The following RAP1GDS1 variants were observed in gnomAD, a reference collection of about 807,000 sequenced individuals.
The protein encoded by RAP1GDS1 is RAP1, GTP-GDP dissociation stimulator 1.
In RAP1GDS1, 35 loss-of-function variants were observed where a neutral mutation model predicts 71.1. That is an observed-to-expected ratio of 0.49 (90% CI 0.38 to 0.65). RAP1GDS1 has a LOEUF of 0.65. Ranked by LOEUF, RAP1GDS1 falls within the 30% of genes least tolerant of loss-of-function variation. RAP1GDS1 has a pLI of 0.00. For synonymous variants in RAP1GDS1, 229 were observed against 243.1 expected (o/e 0.94, Z 0.54); for missense variants, 663 against 706.1 (o/e 0.94, Z 0.69).
chr4:98,304,176 T>C (rs1728979927), intron 2 of RAP1GDS1, among the ~76,000 whole-genome samples: 1 of 152,228 alleles, frequency 6.6e-6, no homozygotes, highest in African/African-American at 2.4e-5. Flanking sequence ...TGTATCTTTA[T>C]AATAGAATGA....
At chr4:98,285,747 A>G (rs944505752) in intron 1 of RAP1GDS1, among the ~76,000 whole-genome samples, 2 of 149,632 alleles carry the variant, frequency 1.3e-5, no homozygotes, top group Admixed American at 1.3e-4. Context: ...TATGTAGTAC[A>G]TATTATGATT....
intron 2 of RAP1GDS1, among the ~76,000 whole-genome samples, chr4:98,339,796 A>G (rs556863487): frequency 6.6e-5 from 10 of 152,362 alleles, no homozygotes; most frequent in African/African-American, 2.4e-4. Flanking sequence ...AGCTATTATT[A>G]AAAAGTCAAA....
chr4:98,301,046 G>A (rs1728517442), intron 2 of RAP1GDS1, among the ~76,000 whole-genome samples: 1 of 151,106 alleles, frequency 6.6e-6, no homozygotes, highest in South Asian at 2.1e-4. Context: ...ACATACTCCT[G>A]CTGTTTTAGT....
At chr4:98,369,017 C>T (rs960900203) in intron 4 of RAP1GDS1, among the ~76,000 whole-genome samples, 1 of 152,142 alleles carries the variant, frequency 6.6e-6, no homozygotes, top group Non-Finnish European at 1.5e-5. Context: ...GGGAAGGTCT[C>T]ACAATCATGG....
intron 4 of RAP1GDS1, among the ~76,000 whole-genome samples, chr4:98,355,630 CTAGCATATTTCAGT>C (rs1737846803): frequency 6.6e-6 from 1 of 152,120 alleles, no homozygotes; most frequent in Non-Finnish European, 1.5e-5. Flanking sequence ...AAAGCATTTG[CTAGCATATTTCAGT>C]TAGCATAGTG....
At chr4:98,271,372 C>A (rs1055350114) in intron 1 of RAP1GDS1, among the ~76,000 whole-genome samples, 18 of 152,004 alleles carry the variant, frequency 1.2e-4, no homozygotes, top group African/African-American at 4.3e-4. Context: ...TAACTAAACG[C>A]CTTTCTCCAA....
At chr4:98,293,656 T>G in intron 2 of RAP1GDS1, 141 bp downstream of exon 2, 1 of 665,412 alleles carries the variant, frequency 1.5e-6, no homozygotes, top group Non-Finnish European at 2.6e-6. Flanking sequence ...ATACTGAGAT[T>G]GTTTTACATG....
chr4:98,321,566 GGA>G (rs1731900375), intron 2 of RAP1GDS1, among the ~76,000 whole-genome samples: 1 of 151,034 alleles, frequency 6.6e-6, no homozygotes, highest in African/African-American at 2.4e-5. Context: ...GACTAACAGC[GGA>G]TCTCTCGGCA....
chr4:98,334,941 G>A (rs1734498035), intron 2 of RAP1GDS1, among the ~76,000 whole-genome samples: 1 of 151,148 alleles, frequency 6.6e-6, no homozygotes. Context: ...AAAAGAGATG[G>A]GGAAGGTAGA....
intron 4 of RAP1GDS1, among the ~76,000 whole-genome samples, chr4:98,365,028 GA>G (rs113628703): frequency 1.3e-5 from 2 of 149,300 alleles, no homozygotes; most frequent in Non-Finnish European, 3.0e-5. Flanking sequence ...CTCAAAAAAA[GA>G]AAAAAAAAGT....
At chr4:98,330,032 G>A (rs1733720131) in intron 2 of RAP1GDS1, among the ~76,000 whole-genome samples, 1 of 152,108 alleles carries the variant, frequency 6.6e-6, no homozygotes, top group Non-Finnish European at 1.5e-5. Flanking sequence ...AGATAAACAT[G>A]TGAACAAAGG....
At chr4:98,323,290 A>C (rs1732304922) in intron 2 of RAP1GDS1, among the ~76,000 whole-genome samples, 1 of 147,182 alleles carries the variant, frequency 6.8e-6, no homozygotes, top group African/African-American at 2.6e-5. Context: ...ATAGTTTACC[A>C]ACCAAAAAGA....
chr4:98,413,843 A>C (rs897789829), intron 7 of RAP1GDS1, among the ~76,000 whole-genome samples: 3 of 151,570 alleles, frequency 2.0e-5, no homozygotes, highest in African/African-American at 2.4e-5. Context: ...CCAACAGTGT[A>C]AAAGTGTTCC....
chr4:98,331,349 GGAGAGGGAGAGA>G (rs968831865), intron 2 of RAP1GDS1, among the ~76,000 whole-genome samples: 3 of 146,456 alleles, frequency 2.0e-5, no homozygotes, highest in East Asian at 2.0e-4. Context: ...CCACGGAGAG[GGAGAGGGAGAGA>G]GAGAGGGAGA....
At chr4:98,428,329 A>G (rs1749911912) in intron 12 of RAP1GDS1, among the ~76,000 whole-genome samples, 1 of 152,228 alleles carries the variant, frequency 6.6e-6, no homozygotes, top group Non-Finnish European at 1.5e-5. Flanking sequence ...AGCAAATGCA[A>G]TAAAAACAAA....
chr4:98,285,593 T>C (rs992373858), intron 1 of RAP1GDS1, among the ~76,000 whole-genome samples: 3 of 151,974 alleles, frequency 2.0e-5, no homozygotes, highest in African/African-American at 4.8e-5. Context: ...TTAATGTTAA[T>C]GTAAAATATT....
At chr4:98,265,652 C>A (rs1249350668) in intron 1 of RAP1GDS1, among the ~76,000 whole-genome samples, 1 of 152,066 alleles carries the variant, frequency 6.6e-6, no homozygotes, top group Non-Finnish European at 1.5e-5. Flanking sequence ...GAAAATTGTT[C>A]ATGGTAAGAA....
intron 4 of RAP1GDS1, among the ~76,000 whole-genome samples, chr4:98,371,205 C>T (rs978945856): frequency 4.0e-5 from 6 of 150,810 alleles, no homozygotes; most frequent in African/African-American, 7.3e-5. Context: ...CTTCATCTCC[C>T]GGGTTCAAGT....
chr4:98,403,861 G>A (rs1385699989), intron 6 of RAP1GDS1, among the ~76,000 whole-genome samples: 2 of 152,146 alleles, frequency 1.3e-5, no homozygotes, highest in Non-Finnish European at 2.9e-5. Flanking sequence ...GGCAGTGTAT[G>A]TAAGCAATGT....
Sources: gnomAD v4.1 joint callset for allele counts (sites outside exome capture counted in the v4.1 genomes callset) on GRCh38, gnomAD v4.1.1 for gene constraint, MANE v1.5 for transcripts, NCBI Gene and HGNC (gene_info 2026-07-23, HGNC 2026-07-21) for gene names.